Variants in ZSCAN5A observed in about 807,000 individuals in gnomAD.
ZSCAN5A encodes the protein zinc finger and SCAN domain containing 5A.
Under a neutral mutation model 23.7 loss-of-function variants are expected in ZSCAN5A, and 12 were observed. The ratio of observed to expected loss-of-function variants is 0.51; its 90% CI spans 0.32 to 0.82. The LOEUF is 0.82. ZSCAN5A is among the 40% of genes least tolerant of loss of function. The pLI is 0.03. For synonymous variants in ZSCAN5A, 257 were observed against 239.9 expected (o/e 1.07, Z -0.66); for missense variants, 597 against 617.9 (o/e 0.97, Z 0.36).
Position 56,285,945 on chromosome 19 carries a change from C to G in ZSCAN5A, c.-128+27338G>C, listed in dbSNP as rs373175273. 2.5e-4 allele frequency among the ~76,000 whole-genome samples: 38 copies of G among 152,292 alleles called. No individual in the cohort carries two copies. The East Asian group carries it at 7.3e-3, about 29-fold the overall frequency. Reference sequence around the variant, plus strand: ...CTTTTAAATCTGGACAGATGTTTAACAAATTTGCATCTTCATATACAGCCT... The same window carrying G: ...CTTTTAAATCTGGACAGATGTTTAAGAAATTTGCATCTTCATATACAGCCT... On this transcript the variant is annotated intron_variant, in intron 2 of 5. Transcript: ENST00000683990.
At chr19:56,242,348 A>G (rs1223691686) in intron 2 of ZSCAN5A, among the ~76,000 whole-genome samples, 1 of 152,228 alleles carries the variant, frequency 6.6e-6, no homozygotes. Context: ...AGGTGTCCAC[A>G]GAGGCACCTT....
At chr19:56,247,043 AG>A (rs2146691994) in intron 2 of ZSCAN5A, 1 of 844,958 alleles carries the variant, frequency 1.2e-6, no homozygotes, top group South Asian at 1.4e-5. Context: ...CAAGAAGCCA[AG>A]GAACTGCTGC....
chr19:56,308,717 C>T (rs1027842897), intron 2 of ZSCAN5A, among the ~76,000 whole-genome samples: 2 of 151,988 alleles, frequency 1.3e-5, no homozygotes, highest in East Asian at 3.9e-4. Context: ...TCTCTGTCTA[C>T]CTAGAAAAGT....
intron 2 of ZSCAN5A, among the ~76,000 whole-genome samples, chr19:56,267,678 C>T (rs753713448): frequency 2.0e-5 from 3 of 152,134 alleles, no homozygotes; most frequent in South Asian, 2.1e-4. Context: ...TACTTAGCTT[C>T]GAATCCCAGT....
intron 2 of ZSCAN5A, among the ~76,000 whole-genome samples, chr19:56,308,241 C>T (rs948979610): frequency 4.6e-5 from 7 of 152,024 alleles, no homozygotes; most frequent in Admixed American, 3.3e-4. Context: ...ACCATGTTGG[C>T]CAGGATGGTC....
intron 2 of ZSCAN5A, among the ~76,000 whole-genome samples, chr19:56,252,545 G>T (rs1358088018): frequency 6.6e-6 from 1 of 152,170 alleles, no homozygotes; most frequent in Non-Finnish European, 1.5e-5. Flanking sequence ...GTGCTTAGGG[G>T]ATGGGCCACA....
intron 2 of ZSCAN5A, among the ~76,000 whole-genome samples, chr19:56,229,696 A>T (rs529627643): frequency 7.2e-4 from 109 of 152,262 alleles, no homozygotes; most frequent in African/African-American, 2.5e-3. Context: ...GATGTCTATT[A>T]ATAGTATGGT....
rs919517790 is a variant in ZSCAN5A, at chr19:56,351,619, C to T, written c.-358+11616G>A. Reference sequence around the variant, plus strand: ...TTCTTCCTTCTTACTTGCTATTAAACTTTTCACTCCTTAAAACTACTCCAC... The same window carrying T: ...TTCTTCCTTCTTACTTGCTATTAAATTTTTCACTCCTTAAAACTACTCCAC... On this transcript the variant is annotated intron_variant, in intron 2 of 6. Transcript: ENST00000587340. The surrounding 1 kb of genome is among the most constrained non-coding windows in gnomAD (Gnocchi z 4.8). Among the ~76,000 whole-genome samples, 1 of 152,100 alleles carries T rather than the reference C, an allele frequency of 6.6e-6. No homozygotes were observed. Among genetic ancestry groups the T allele is most frequent in the African/African-American group, 2.4e-5 (1 of 41,422 alleles).
In ZSCAN5A at chr19:56,361,879, A is replaced by T. The variant is rs1382859098; in HGVS notation, c.-358+1356T>A. On this transcript the variant is annotated intron_variant, in intron 2 of 6. Transcript: ENST00000587340. ...GAACTTAAAAAAACAAAAAAAAGGC[A>T]GGGTGCGGTGGCTCACACCTGTAAT... is the stretch of plus-strand genomic sequence containing the variant. Among the ~76,000 whole-genome samples the T allele has an allele frequency of 2.6e-5, 4 of 152,040 alleles. No individual in the cohort carries two copies. In the East Asian group the frequency reaches 7.7e-4, roughly 29 times the overall value.
chr19:56,350,123 C>T (rs2041658629), intron 2 of ZSCAN5A, among the ~76,000 whole-genome samples: 1 of 152,188 alleles, frequency 6.6e-6, no homozygotes, highest in Non-Finnish European at 1.5e-5. Flanking sequence ...GCCAGATTAT[C>T]ATCCTTATAA....
intron 2 of ZSCAN5A, among the ~76,000 whole-genome samples, chr19:56,335,390 A>G (rs914962906): frequency 6.6e-6 from 1 of 152,170 alleles, no homozygotes. Context: ...ATCATCCATG[A>G]TAACTCCCCC....
At chr19:56,301,380 T>C (rs1378269604) in intron 2 of ZSCAN5A, among the ~76,000 whole-genome samples, 1 of 152,086 alleles carries the variant, frequency 6.6e-6, no homozygotes, top group Non-Finnish European at 1.5e-5. Flanking sequence ...ATGCCATCTG[T>C]GAACTGTCAT....
chr19:56,305,459 G>A (rs2040624423), intron 2 of ZSCAN5A, among the ~76,000 whole-genome samples: 1 of 152,192 alleles, frequency 6.6e-6, no homozygotes, highest in Non-Finnish European at 1.5e-5. Flanking sequence ...CATGGACATA[G>A]CACACTTTGT....
chr19:56,307,929 T>G (rs1017536094), intron 2 of ZSCAN5A, among the ~76,000 whole-genome samples: 4 of 152,228 alleles, frequency 2.6e-5, no homozygotes, highest in Non-Finnish European at 4.4e-5. Flanking sequence ...CAAGTTCAGG[T>G]CTCTGGCATG....
chr19:56,297,709 A>C, intron 2 of ZSCAN5A: 1 of 159,548 alleles, frequency 6.3e-6, no homozygotes, highest in Non-Finnish European at 1.3e-5. Flanking sequence ...TGCCCCTTTC[A>C]CACTGCTCAT....
chr19:56,327,127 T>C (rs1184371139), intron 2 of ZSCAN5A, among the ~76,000 whole-genome samples: 1 of 151,992 alleles, frequency 6.6e-6, no homozygotes, highest in Non-Finnish European at 1.5e-5. Flanking sequence ...ACATTCGTCA[T>C]GCTATATATA....
intron 1 of ZSCAN5A, among the ~76,000 whole-genome samples, chr19:56,364,155 G>A (rs1390077563): frequency 1.3e-5 from 2 of 152,130 alleles, no homozygotes; most frequent in African/African-American, 4.8e-5. Flanking sequence ...GAGAGCTTCT[G>A]GGCAGGAAAA....
intron 2 of ZSCAN5A, among the ~76,000 whole-genome samples, chr19:56,323,592 A>G (rs914389986): frequency 6.7e-6 from 1 of 149,080 alleles, no homozygotes; most frequent in African/African-American, 2.5e-5. Flanking sequence ...GCTGGAGTAC[A>G]ATGGTATGAT....
intron 2 of ZSCAN5A, among the ~76,000 whole-genome samples, chr19:56,238,354 A>C (rs2035159043): frequency 6.6e-6 from 1 of 152,214 alleles, no homozygotes; most frequent in Non-Finnish European, 1.5e-5. Flanking sequence ...GTATAATTAC[A>C]CCATGAATAG....
Sources: gnomAD v4.1 joint callset for allele counts (sites outside exome capture counted in the v4.1 genomes callset) on GRCh38, gnomAD v4.1.1 for gene constraint, Gnocchi (gnomAD v3.1) non-coding constraint, MANE v1.5 for transcripts, NCBI Gene and HGNC (gene_info 2026-07-23, HGNC 2026-07-21) for gene names.